The following FNDC3A variants were observed in gnomAD, a reference collection of about 807,000 sequenced individuals.
FNDC3A encodes fibronectin type-III domain-containing protein 3A.
Under a neutral mutation model 148.9 loss-of-function variants are expected in FNDC3A, and 32 were observed. That is an observed-to-expected ratio of 0.21 (90% confidence interval 0.16 to 0.29). The LOEUF (loss-of-function observed/expected upper bound fraction) is 0.29, where lower values mean the gene tolerates loss of function less well. Among genes scored for constraint, FNDC3A ranks in the 10% least tolerant of loss-of-function variants. FNDC3A has a pLI of 1.00. For synonymous variants in FNDC3A, 472 were observed against 473.6 expected (o/e 1.00, Z 0.04); for missense variants, 1,191 against 1,452.8 (o/e 0.82, Z 2.93).
chr13:49,152,773 G>C (rs1210667768), intron 8 of FNDC3A, among the ~76,000 whole-genome samples: 1 of 150,508 alleles, frequency 6.6e-6, no homozygotes, highest in Non-Finnish European at 1.5e-5. Context: ...GCGGTGTTTG[G>C]TTTTTTGTTC....
rs971800870 is a variant in FNDC3A, at chr13:49,153,014, A to C, written c.977+7079A>C. 1.5e-4 allele frequency among the ~76,000 whole-genome samples: 22 copies of C among 151,276 alleles called. No homozygotes were observed. The East Asian group carries it at 3.5e-3, about 24-fold the overall frequency. On this transcript the variant is annotated intron_variant, in intron 8 of 25. Transcript: ENST00000492622. ...GTGTCTTTATAGCAGCATGATTTAT[A>C]GTCCTTTGGGTATATACCCAGTAAT... is the stretch of plus-strand genomic sequence containing the variant.
At position 49,198,417 on chromosome 13, in the gene FNDC3A, A is replaced by G; in HGVS notation, c.2830A>G (p.Lys944Glu). ...AGCTGGTCCTTTCAGCCATATGATA[A>G]AATTAAAAACTAAGCCTCTCCCTCC... is the stretch of plus-strand genomic sequence containing the variant. ...LGAGPFSHMI[K>E]LKTKPLPPDP... The change falls in exon 23 of 26, where the codon AAA becomes GAA. Residue 944 changes from lysine (K) to glutamate (E), a missense_variant. Coordinates refer to ENST00000492622, the MANE Select transcript of FNDC3A (RefSeq NM_001079673.2). 1.2e-6 allele frequency: 2 copies of G among 1,614,170 alleles called. No individual in the cohort carries two copies. The highest frequency in any genetic ancestry group is 1.7e-6 in the Non-Finnish European group (2 of 1,180,030).
At chr13:49,190,983 T>C (rs375277733) in intron 17 of FNDC3A, 32 bp from the exon 18 acceptor site, 4 of 1,512,118 alleles carry the variant, frequency 2.6e-6, no homozygotes, top group Non-Finnish European at 9.0e-7. Flanking sequence ...TTTTGGGGCA[T>C]TTTTGTTTTC....
At chr13:49,102,226 T>C (rs570772425) in intron 3 of FNDC3A, among the ~76,000 whole-genome samples, 30 of 152,144 alleles carry the variant, frequency 2.0e-4, no homozygotes, top group African/African-American at 7.0e-4. Context: ...ATGGCTTGTG[T>C]TTTGGTTTGG....
chr13:49,057,253 CCTT>C (rs1286646388), intron 2 of FNDC3A, among the ~76,000 whole-genome samples: 2 of 152,184 alleles, frequency 1.3e-5, no homozygotes, highest in Non-Finnish European at 2.9e-5. Flanking sequence ...TTTCTTACGT[CCTT>C]CTGTTGAAGG....
chr13:49,127,070 ACT>A (rs1270751142), intron 4 of FNDC3A, among the ~76,000 whole-genome samples: 3 of 151,496 alleles, frequency 2.0e-5, no homozygotes, highest in African/African-American at 7.3e-5. Flanking sequence ...CAGCCCACAA[ACT>A]CTGTTTCCTC....
At chr13:49,172,667 T>A (rs1884817415) in intron 11 of FNDC3A, among the ~76,000 whole-genome samples, 1 of 152,236 alleles carries the variant, frequency 6.6e-6, no homozygotes, top group South Asian at 2.1e-4. Flanking sequence ...CTTCCTTTTT[T>A]AGGAACACTT....
chr13:49,096,047 T>G (rs1270753224), intron 3 of FNDC3A, among the ~76,000 whole-genome samples: 1 of 152,134 alleles, frequency 6.6e-6, no homozygotes, highest in African/African-American at 2.4e-5. Flanking sequence ...TCTCTAAGTT[T>G]TCCTCTGTTA....
At chr13:49,073,802 A>G (rs897488971) in intron 2 of FNDC3A, among the ~76,000 whole-genome samples, 25 of 145,912 alleles carry the variant, frequency 1.7e-4, no homozygotes, top group Non-Finnish European at 3.3e-4. Context: ...ATATATATGT[A>G]TATATATTAT....
In FNDC3A at chr13:49,197,891, C is replaced by G. The variant is rs1485670806; in HGVS notation, c.2490+17C>G. The G allele has an allele frequency of 6.3e-7, 1 of 1,593,978 alleles. No homozygotes were observed. ...AGGGTCCAGGTAAAGATGATCAGTA[C>G]CTTGTCACTTAACTCTATCCAGAGT... On this transcript the variant is annotated intron_variant, in intron 21 of 25. Transcript: ENST00000492622.
intron 19 of FNDC3A, among the ~76,000 whole-genome samples, chr13:49,195,831 C>A (rs1886119423): frequency 6.6e-6 from 1 of 151,962 alleles, no homozygotes; most frequent in Non-Finnish European, 1.5e-5. Context: ...CTCAAGCAGT[C>A]CTCCCTCTGA....
rs115579135 is a variant in FNDC3A at position 49,083,446 on chromosome 13, T to C, written c.175+8082T>C. 1.0e-3 allele frequency among the ~76,000 whole-genome samples: 156 copies of C among 152,254 alleles called. 1 individual carries two copies. The highest frequency in any genetic ancestry group is 3.5e-3 in the African/African-American group (145 of 41,534). ...AAATCTTGGACTTCAAAAATAGAAA[T>C]GCAAGTTCAAAACAGATGGTGGTGT... is the stretch of plus-strand genomic sequence containing the variant. On this transcript the variant is annotated intron_variant, in intron 3 of 25. Transcript: ENST00000492622.
chr13:49,115,184 G>A (rs1285247136), intron 4 of FNDC3A, among the ~76,000 whole-genome samples: 1 of 404 alleles, frequency 2.5e-3, no homozygotes, highest in Non-Finnish European at 7.0e-3. Flanking sequence ...TGAGGGATGA[G>A]GGGGGGGGGG....
At chr13:49,053,638 G>T (rs528026864) in intron 2 of FNDC3A, among the ~76,000 whole-genome samples, 1 of 152,284 alleles carries the variant, frequency 6.6e-6, no homozygotes, top group South Asian at 2.1e-4. Context: ...GGTTGAAGGA[G>T]CTATTATAAG....
intron 2 of FNDC3A, among the ~76,000 whole-genome samples, chr13:49,061,390 T>TCCCC (rs1876698928): frequency 8.6e-5 from 1 of 11,668 alleles, no homozygotes; most frequent in Admixed American, 9.0e-4. Context: ...TTCCCTTCCC[T>TCCCC]TCCCTCCCCT....
chr13:49,174,485 A>G lies in FNDC3A; in HGVS notation c.1281A>G (p.Gln427=). The change falls in exon 12 of 26, where the codon CAA becomes CAG. Residue 427 remains glutamine, a synonymous_variant. Coordinates refer to ENST00000492622, the MANE Select transcript of FNDC3A (RefSeq NM_001079673.2). ...AGTGTTACATGGGCTCACAGAAACA[A>G]TTTAAAATTACTAAACTTTCACCAG... ...FCQCYMGSQK[Q]FKITKLSPAM... The G allele has an allele frequency of 6.2e-7, 1 of 1,612,722 alleles. No individual in the cohort carries two copies. Among genetic ancestry groups the G allele is most frequent in the Non-Finnish European group, 8.5e-7 (1 of 1,178,882 alleles).
Position 49,006,136 on chromosome 13 carries a change from T to C in FNDC3A, c.-39-16T>C. On this transcript the variant is annotated splice_polypyrimidine_tract_variant and intron_variant, in intron 1 of 25. Transcript: ENST00000492622. Reference sequence around the variant, plus strand: ...AAGGATATACTTACAAATGACTATATATGTTTGTTTTTCAGAATTGGAGCG... The same window carrying C: ...AAGGATATACTTACAAATGACTATACATGTTTGTTTTTCAGAATTGGAGCG... 1 of 902,592 alleles carries C rather than the reference T, an allele frequency of 1.1e-6. No homozygotes were observed. The highest frequency in any genetic ancestry group is 1.8e-6 in the Non-Finnish European group (1 of 552,802). The allele number at this position is 902,592 out of a possible 1,614,324, so 55.9% of individuals were successfully genotyped here. A position where few individuals can be genotyped will look rare whatever the true frequency, so the allele number is the denominator to read the frequency against.
At chr13:49,017,312 ATAGT>A (rs1417881391) in intron 2 of FNDC3A, among the ~76,000 whole-genome samples, 1 of 152,086 alleles carries the variant, frequency 6.6e-6, no homozygotes, top group Non-Finnish European at 1.5e-5. Flanking sequence ...TATATTTAGG[ATAGT>A]TAGCTCTTCT....
At chr13:49,032,667 C>T (rs1300977001) in intron 2 of FNDC3A, among the ~76,000 whole-genome samples, 5 of 151,730 alleles carry the variant, frequency 3.3e-5, no homozygotes, top group Non-Finnish European at 7.4e-5. Flanking sequence ...ACCCGGGAGG[C>T]GGAGCTTGCA....
Sources: gnomAD v4.1 joint callset for allele counts (sites outside exome capture counted in the v4.1 genomes callset) on GRCh38, gnomAD v4.1.1 for gene constraint, MANE v1.5 for transcripts, NCBI Gene and HGNC (gene_info 2026-07-23, HGNC 2026-07-21) for gene names.